RBFOX1: variants seen among roughly 807,000 people sequenced by gnomAD.
The protein encoded by RBFOX1 is RNA binding protein fox-1 homolog 1.
A neutral mutation model predicts 57.7 loss-of-function variants in RBFOX1; 8 were observed. The observed-to-expected ratio is 0.14, with a 90% CI of 0.08 to 0.25. The LOEUF is 0.25. Ranked by LOEUF, RBFOX1 falls within the 10% of genes least tolerant of loss-of-function variation. The pLI is 1.00. For synonymous variants in RBFOX1, 326 were observed against 222.4 expected, an observed-to-expected ratio of 1.47 and a Z score of -4.15; for missense variants, 611 against 548.5, an observed-to-expected ratio of 1.11 and a Z score of -1.14.
At chr16:7,473,571 G>T (rs1204293356) in intron 4 of RBFOX1, among the ~76,000 whole-genome samples, 2 of 151,174 alleles carry the variant, frequency 1.3e-5, no homozygotes, top group Non-Finnish European at 2.9e-5. Flanking sequence ...AAAGCAGTTT[G>T]CTTGTTTTCC....
chr16:7,176,048 G>A (rs1390816984), intron 4 of RBFOX1, among the ~76,000 whole-genome samples: 1 of 151,826 alleles, frequency 6.6e-6, no homozygotes, highest in African/African-American at 2.4e-5. Context: ...AACCAAGATG[G>A]ACCTCAGCCA....
Position 7,029,081 on chromosome 16 carries a change from TACACACAC to T in RBFOX1, c.-15-22942_-15-22935del, listed in dbSNP as rs71147635. ...ATATATATATATATATATATATATA[TACACACAC>T]ACACACACACACACACACACACACA... On this transcript the variant is annotated intron_variant, in intron 3 of 15. Transcript: ENST00000550418. Among the ~76,000 whole-genome samples, 475 of 47,834 alleles carry T rather than the reference TACACACAC, an allele frequency of 9.9e-3. 33 individuals are homozygous for T. Among genetic ancestry groups the T allele is most frequent in the African/African-American group, 0.028 (167 of 5,930 alleles). 31.4% of individuals were successfully genotyped at this position (47,834 alleles called of 152,430 possible).
At chr16:6,079,702 G>A (rs1392565186) in intron 1 of RBFOX1, among the ~76,000 whole-genome samples, 1 of 152,062 alleles carries the variant, frequency 6.6e-6, no homozygotes. Flanking sequence ...CAGGTGTGAT[G>A]GCACACACTT....
At chr16:6,556,135 C>T (rs919668306) in intron 2 of RBFOX1, among the ~76,000 whole-genome samples, 1 of 152,122 alleles carries the variant, frequency 6.6e-6, no homozygotes, top group African/African-American at 2.4e-5. Context: ...TATCATGATT[C>T]ATAAAAGACC....
At chr16:7,565,125 G>A (rs1489411555) in intron 5 of RBFOX1, among the ~76,000 whole-genome samples, 1 of 152,064 alleles carries the variant, frequency 6.6e-6, no homozygotes, top group African/African-American at 2.4e-5. Context: ...CCGAAGTGTG[G>A]GTTTTAGTTC....
At chr16:7,018,637 C>G (rs1448913468) in intron 3 of RBFOX1, among the ~76,000 whole-genome samples, 1 of 152,068 alleles carries the variant, frequency 6.6e-6, no homozygotes, top group East Asian at 1.9e-4. Context: ...GTTCTAGATC[C>G]TTGAGGAATT....
intron 1 of RBFOX1, among the ~76,000 whole-genome samples, chr16:5,402,290 T>C (rs1179540553): frequency 6.6e-6 from 1 of 152,198 alleles, no homozygotes. Flanking sequence ...GCCTCTATCA[T>C]GTTGCTGGTG....
In RBFOX1 at chr16:7,195,745, A is replaced by T. The variant is rs1324359168; in HGVS notation, c.27+143647A>T. Among the ~76,000 whole-genome samples the T allele has an allele frequency of 2.0e-5, 3 of 151,976 alleles. No individual in the cohort carries two copies. The South Asian group carries it at 6.2e-4, about 32-fold the overall frequency. Reference sequence around the variant, plus strand: ...TTTTTGTATTTTTAGTAGAAACGGGATTTCACCGTGTTGGCCAGACTGGTG... The same window carrying T: ...TTTTTGTATTTTTAGTAGAAACGGGTTTTCACCGTGTTGGCCAGACTGGTG... On this transcript the variant is annotated intron_variant, in intron 4 of 15. Transcript: ENST00000550418.
chr16:5,240,678 C>T (rs2062143534), intron 1 of RBFOX1, among the ~76,000 whole-genome samples: 2 of 152,202 alleles, frequency 1.3e-5, no homozygotes, highest in African/African-American at 4.8e-5. Context: ...CTCCTCTTTC[C>T]ATCCCTACAG....
intron 3 of RBFOX1, among the ~76,000 whole-genome samples, chr16:5,798,037 T>C (rs954482344): frequency 6.6e-6 from 1 of 152,254 alleles, no homozygotes; most frequent in African/African-American, 2.4e-5. Context: ...GCAGACAGCC[T>C]GAGTTTGAAT....
chr16:7,661,012 T>G (rs192162573), intron 12 of RBFOX1, among the ~76,000 whole-genome samples: 143 of 152,330 alleles, frequency 9.4e-4, no homozygotes, highest in Admixed American at 1.2e-3. Context: ...AGTGGGATCA[T>G]GAGCACAGAA....
At chr16:6,197,550 G>A (rs1343690191) in intron 1 of RBFOX1, among the ~76,000 whole-genome samples, 9 of 137,416 alleles carry the variant, frequency 6.5e-5, no homozygotes, top group Non-Finnish European at 1.4e-4. Context: ...ACTCAACCTG[G>A]TGCTTCTGTT....
intron 3 of RBFOX1, among the ~76,000 whole-genome samples, chr16:6,753,264 A>G (rs1470991206): frequency 6.6e-6 from 1 of 152,212 alleles, no homozygotes; most frequent in African/African-American, 2.4e-5. Flanking sequence ...CAGTAGTAGA[A>G]TATAGGTGGT....
Position 5,578,668 on chromosome 16 carries a change from G to T in RBFOX1, c.259-20234G>T, listed in dbSNP as rs752703386. On this transcript the variant is annotated intron_variant, in intron 2 of 2. Transcript: ENST00000585867. ...CAGCTGTTAGATCTAAGGCCTTCAA[G>T]GTTCTCGGCAAAAATGAAACTCATC... is the stretch of plus-strand genomic sequence containing the variant. 3.9e-5 allele frequency among the ~76,000 whole-genome samples: 6 copies of T among 152,140 alleles called. 1 individual carries two copies. In the Middle Eastern group the frequency reaches 0.014, roughly 345 times the overall value.
intron 14 of RBFOX1, among the ~76,000 whole-genome samples, chr16:7,699,864 GAA>G (rs1343439054): frequency 6.6e-6 from 1 of 152,024 alleles, no homozygotes; most frequent in Admixed American, 6.5e-5. Context: ...AATGAATATT[GAA>G]AGAGTTTGTG....
At chr16:5,827,718 T>G (rs2056114934) in intron 3 of RBFOX1, among the ~76,000 whole-genome samples, 1 of 152,184 alleles carries the variant, frequency 6.6e-6, no homozygotes, top group African/African-American at 2.4e-5. Flanking sequence ...TTCCTAATTC[T>G]AAGTCCCCTT....
At chr16:7,224,444 C>G (rs1046860947) in intron 4 of RBFOX1, among the ~76,000 whole-genome samples, 3 of 152,164 alleles carry the variant, frequency 2.0e-5, no homozygotes, top group African/African-American at 4.8e-5. Flanking sequence ...CCAAGCATCA[C>G]CAGCCCAGTG....
At chr16:5,424,527 CTTTTTT>C (rs34944009) in intron 1 of RBFOX1, among the ~76,000 whole-genome samples, 1 of 144,178 alleles carries the variant, frequency 6.9e-6, no homozygotes, top group Non-Finnish European at 1.5e-5. Flanking sequence ...TGGCGTTTTA[CTTTTTT>C]TTTTTTTTTT....
At chr16:7,171,448 ATG>A (rs1567558055) in intron 4 of RBFOX1, among the ~76,000 whole-genome samples, 1 of 152,150 alleles carries the variant, frequency 6.6e-6, no homozygotes, top group Non-Finnish European at 1.5e-5. Context: ...TGCTTTATGT[ATG>A]TGTGCTTTTG....
Sources: allele counts gnomAD v4.1 joint callset (sites outside exome capture counted in the v4.1 genomes callset), GRCh38; gene constraint gnomAD v4.1.1; transcripts MANE v1.5; gene names NCBI Gene and HGNC (gene_info 2026-07-23, HGNC 2026-07-21).